Variants in RUVBL1 observed in about 807,000 individuals in gnomAD.
RUVBL1 encodes RuvB like AAA ATPase 1.
RUVBL1 carries 4 observed loss-of-function variants against 52.4 expected under a neutral mutation model. The ratio of observed to expected loss-of-function variants is 0.08; its 90% confidence interval spans 0.04 to 0.17. The LOEUF (loss-of-function observed/expected upper bound fraction) is 0.17, where lower values mean the gene tolerates loss of function less well. Among genes scored for constraint, RUVBL1 ranks in the 10% least tolerant of loss-of-function variants. RUVBL1 has a pLI of 1.00. For synonymous variants in RUVBL1, 217 were observed against 214.4 expected, an observed-to-expected ratio of 1.01 and a Z score of -0.10; for missense variants, 298 against 572.8, an observed-to-expected ratio of 0.52 and a Z score of 4.90.
intron 9 of RUVBL1, chr3:128,066,947 T>C: frequency 6.2e-7 from 1 of 1,614,138 alleles, no homozygotes; most frequent in Non-Finnish European, 8.5e-7. Context: ...TCTGTTTGGC[T>C]TCTCAGGGCT....
intron 1 of RUVBL1, among the ~76,000 whole-genome samples, chr3:128,135,430 G>A (rs1432033593): frequency 6.6e-6 from 1 of 152,236 alleles, no homozygotes; most frequent in African/African-American, 2.4e-5. Flanking sequence ...CTACTTAGGA[G>A]GCTGAAGCAG....
At chr3:128,119,738 T>C (rs1943601506) in intron 1 of RUVBL1, among the ~76,000 whole-genome samples, 1 of 152,200 alleles carries the variant, frequency 6.6e-6, no homozygotes, top group African/African-American at 2.4e-5. Context: ...TGACATTTAA[T>C]TTGATATGTG....
chr3:128,098,623 C>T (rs1006332710), intron 7 of RUVBL1, among the ~76,000 whole-genome samples: 34 of 152,138 alleles, frequency 2.2e-4, no homozygotes, highest in Admixed American at 7.2e-4. Context: ...CAGAGCTGGG[C>T]GACACAAATC....
Position 128,081,212 on chromosome 3 carries a change from A to G in RUVBL1, c.*38T>C. The G allele has an allele frequency of 6.3e-7, 1 of 1,596,408 alleles. No homozygotes were observed. Reference sequence around the variant, plus strand: ...CACAGGCTGGACCCAGGCCAGGCACACCTGGGGAGTCTCTTACTGCTGAAA... The same window carrying G: ...CACAGGCTGGACCCAGGCCAGGCACGCCTGGGGAGTCTCTTACTGCTGAAA... On this transcript the variant is annotated 3_prime_UTR_variant, in exon 11 of 11. Transcript: ENST00000322623. This position sits in a 1 kb window ranked among gnomAD's most constrained non-coding sequence, Gnocchi z 4.8.
chr3:128,148,132 T>C (rs1225551845), intron 1 of RUVBL1, among the ~76,000 whole-genome samples: 1 of 152,024 alleles, frequency 6.6e-6, no homozygotes, highest in Non-Finnish European at 1.5e-5. Context: ...TTTTTTTTTT[T>C]TGAGGGTTGA....
intron 1 of RUVBL1, among the ~76,000 whole-genome samples, chr3:128,130,841 C>G (rs13059975): frequency 6.6e-6 from 1 of 151,328 alleles, no homozygotes; most frequent in Admixed American, 6.6e-5. Flanking sequence ...TAGTAGAGAC[C>G]GGGTTTCACC....
downstream of RUVBL1, among the ~76,000 whole-genome samples, chr3:128,076,423 G>C (rs532890734): frequency 1.0e-3 from 154 of 152,314 alleles, no homozygotes; most frequent in African/African-American, 3.3e-3. The surrounding 1 kb of genome is among the most constrained non-coding windows in gnomAD (Gnocchi z 6.8). Context: ...CATTCCTGCG[G>C]GCCTGCCGGG....
At chr3:128,068,329 G>GT (rs1401792931) in intron 9 of RUVBL1, among the ~76,000 whole-genome samples, 2 of 152,258 alleles carry the variant, frequency 1.3e-5, no homozygotes. Context: ...AGACAGTGCA[G>GT]TAAGGGTCCT....
intron 1 of RUVBL1, among the ~76,000 whole-genome samples, chr3:128,140,229 T>TG (rs1291283754): frequency 6.9e-5 from 2 of 28,782 alleles, no homozygotes; most frequent in African/African-American, 4.7e-4. Flanking sequence ...TTTTTGTTTG[T>TG]TTGTTTTTTT....
chr3:128,123,496 C>T, intron 1 of RUVBL1, 88 bp downstream of exon 1: 4 of 1,349,416 alleles, frequency 3.0e-6, no homozygotes, highest in Admixed American at 5.2e-5. Context: ...CTGGCGCGCG[C>T]ATCCCGCCCC....
upstream of RUVBL1, among the ~76,000 whole-genome samples, chr3:128,127,922 A>G (rs76371756): frequency 6.6e-6 from 1 of 152,264 alleles, no homozygotes; most frequent in East Asian, 1.9e-4. Flanking sequence ...GCTTGAACCC[A>G]GAAGGCAGAG....
At chr3:128,116,933 A>AT (rs1270501395) in intron 2 of RUVBL1, among the ~76,000 whole-genome samples, 2 of 152,220 alleles carry the variant, frequency 1.3e-5, no homozygotes. Context: ...ATATAATAGC[A>AT]TTAGCAAGGT....
intron 1 of RUVBL1, among the ~76,000 whole-genome samples, chr3:128,133,731 ACAACACTCAATT>A (rs1244537859): frequency 6.6e-6 from 1 of 152,242 alleles, no homozygotes; most frequent in Non-Finnish European, 1.5e-5. Context: ...AAGACAGATT[ACAACACTCAATT>A]CCCTTTGAAT....
chr3:128,149,229 G>C (rs1225536292), intron 1 of RUVBL1, among the ~76,000 whole-genome samples: 2 of 148,464 alleles, frequency 1.3e-5, no homozygotes, highest in Non-Finnish European at 3.0e-5. Context: ...CTGTTGCCCA[G>C]GCTGGAGTGC....
chr3:128,100,769 G>T (rs1943092010), intron 5 of RUVBL1, 25 bp from the exon 6 acceptor site: 1 of 1,613,094 alleles, frequency 6.2e-7, no homozygotes, highest in Non-Finnish European at 8.5e-7. Flanking sequence ...AAACATGAGT[G>T]CCTGGTAAGT....
At chr3:128,152,294 C>T (rs1293890766) in intron 1 of RUVBL1, among the ~76,000 whole-genome samples, 1 of 152,184 alleles carries the variant, frequency 6.6e-6, no homozygotes, top group Non-Finnish European at 1.5e-5. Flanking sequence ...CTCCTAAGCC[C>T]AGGCTACAGA....
At chr3:128,152,028 A>C (rs1944226055) in intron 1 of RUVBL1, among the ~76,000 whole-genome samples, 1 of 152,196 alleles carries the variant, frequency 6.6e-6, no homozygotes, top group Non-Finnish European at 1.5e-5. Flanking sequence ...CCCTCTTTGC[A>C]CAGGAAAAGG....
chr3:128,106,458 T>TC (rs143719219), intron 3 of RUVBL1, among the ~76,000 whole-genome samples: 2,570 of 147,730 alleles, frequency 0.017, 48 homozygotes, highest in African/African-American at 0.057. Flanking sequence ...TTAAAACGTA[T>TC]CCCCCCCCCC....
chr3:128,073,100 G>C (rs1942215723), intron 9 of RUVBL1, among the ~76,000 whole-genome samples: 1 of 152,184 alleles, frequency 6.6e-6, no homozygotes, highest in Admixed American at 6.5e-5. Context: ...CCCGAGCCAG[G>C]ACAAAAAGCC....
Sources: allele counts gnomAD v4.1 joint callset (sites outside exome capture counted in the v4.1 genomes callset), GRCh38; gene constraint gnomAD v4.1.1; non-coding constraint Gnocchi (gnomAD v3.1); transcripts MANE v1.5; gene names NCBI Gene and HGNC (gene_info 2026-07-23, HGNC 2026-07-21).